Variants in DOCK10 observed in about 807,000 individuals in gnomAD.
The protein encoded by DOCK10 is dedicator of cytokinesis 10, also known as dedicator of cytokinesis protein 10.
A neutral mutation model predicts 280.1 loss-of-function variants in DOCK10; 145 were observed. That is an observed-to-expected ratio of 0.52 (90% CI 0.45 to 0.59). DOCK10 has a LOEUF of 0.59. Among genes scored for constraint, DOCK10 ranks in the 20% least tolerant of loss-of-function variants. DOCK10 has a pLI of 0.00. For missense variants in DOCK10, 2,368 were observed against 2,651.7 expected, an observed-to-expected ratio of 0.89 and a Z score of 2.35; for synonymous variants, 915 against 942.2, an observed-to-expected ratio of 0.97 and a Z score of 0.53.
At position 224,823,650 on chromosome 2, in the gene DOCK10, A is replaced by C; in HGVS notation, c.3037-3T>G. 6.3e-7 allele frequency: 1 copy of C among 1,589,618 alleles called. No individual in the cohort carries two copies. Among genetic ancestry groups the C allele is most frequent in the Non-Finnish European group, 8.5e-7 (1 of 1,171,528 alleles). ...GGAAATCTCTGAGGCCGGGGAAGCTAAGGAAAGAACGGATTATATCTTTCT... is the reference window on the plus strand; with the variant it reads ...GGAAATCTCTGAGGCCGGGGAAGCTCAGGAAAGAACGGATTATATCTTTCT... On this transcript the variant is annotated splice_polypyrimidine_tract_variant and splice_region_variant and intron_variant, in intron 27 of 55. Coordinates refer to ENST00000258390, the MANE Select transcript of DOCK10 (RefSeq NM_014689.3).
At chr2:224,852,238 G>A (rs1696793538) in intron 18 of DOCK10, 139 bp downstream of exon 18, 3 of 631,454 alleles carry the variant, frequency 4.8e-6, no homozygotes, top group African/African-American at 1.8e-5. Context: ...GTTAAATCAG[G>A]TATGTTTCAG....
intron 2 of DOCK10, among the ~76,000 whole-genome samples, chr2:224,920,664 TA>T (rs35854256): frequency 0.57 from 86,168 of 150,962 alleles, 25,320 homozygotes; most frequent in Non-Finnish European, 0.64. Context: ...TCTTTCTAAT[TA>T]AAAAAAAATT....
rs369388756 is a variant in DOCK10, at chr2:224,845,259, T to C, written c.2425A>G (p.Ile809Val). The change falls in exon 21 of 56, where the codon ATA becomes GTA. Residue 809 changes from isoleucine (I) to valine (V), a missense_variant. By Grantham distance (29) the Ile-to-Val change is conservative. Transcript: ENST00000258390. Reference protein sequence around the residue: ...QIASQEYNIPIATSLPPNYLS... With the variant: ...QIASQEYNIPVATSLPPNYLS... ...TAATTAGGAGGCAGACTTGTTGCTA[T>C]TGGGATGTTGTACTCTTGAGAAGCT... The C allele has an allele frequency of 7.6e-6, 12 of 1,587,680 alleles. No individual in the cohort carries two copies. Among genetic ancestry groups the C allele is most frequent in the African/African-American group, 5.4e-5 (4 of 74,548 alleles).
chr2:224,918,786 A>ATGTGAGTGTGGTAGTGTATG (rs770864287), intron 2 of DOCK10, among the ~76,000 whole-genome samples: 33,562 of 145,868 alleles, frequency 0.23, 4,192 homozygotes, highest in Non-Finnish European at 0.28. Context: ...TGTATGTGTA[A>ATGTGAGTGTGGTAGTGTATG]TGTGAGTGTG....
At chr2:224,906,976 A>ACGTTAGC (rs66486927) in intron 3 of DOCK10, among the ~76,000 whole-genome samples, 1 of 151,626 alleles carries the variant, frequency 6.6e-6, no homozygotes, top group African/African-American at 2.4e-5. Context: ...TTATCACATA[A>ACGTTAGC]TTTCAACACA....
rs1574782385 is a variant in DOCK10, at chr2:224,770,477, C to T, written c.6305+68G>A. 6.3e-7 allele frequency: 1 copy of T among 1,577,908 alleles called. No individual in the cohort carries two copies. Among genetic ancestry groups the T allele is most frequent in the East Asian group, 2.2e-5 (1 of 44,624 alleles). ...TCAGTGAGTTTTGGTGTGATGGATT[C>T]TTGGGGGATTGAGGACTCCCTGTCT... On this transcript the variant is annotated intron_variant, in intron 54 of 55. Transcript: ENST00000258390. The surrounding 1 kb of genome is among the most constrained non-coding windows in gnomAD (Gnocchi z 4.5).
chr2:224,931,977 T>C (rs867228504), intron 1 of DOCK10, among the ~76,000 whole-genome samples: 34 of 152,216 alleles, frequency 2.2e-4, no homozygotes, highest in Non-Finnish European at 4.6e-4. Context: ...GTAAATTTTA[T>C]CTTTGTCAAC....
chr2:224,993,231 A>G (rs1706180171), intron 1 of DOCK10, among the ~76,000 whole-genome samples: 1 of 142,598 alleles, frequency 7.0e-6, no homozygotes, highest in South Asian at 2.3e-4. Context: ...TGTCCAACAG[A>G]CCTGAATTTA....
chr2:225,018,754 CAT>C (rs60095437), intron 1 of DOCK10, among the ~76,000 whole-genome samples: 2 of 76,474 alleles, frequency 2.6e-5, no homozygotes, highest in African/African-American at 7.4e-5. Flanking sequence ...TACACATACA[CAT>C]ATGTGTATAT....
chr2:224,877,508 T>TG (rs1160246718), intron 7 of DOCK10, among the ~76,000 whole-genome samples: 152 of 105,794 alleles, frequency 1.4e-3, no homozygotes, highest in South Asian at 5.0e-3. Context: ...TATTCCAAGT[T>TG]GACATTCTAG....
chr2:224,820,582 G>A (rs1179947251), intron 28 of DOCK10, among the ~76,000 whole-genome samples: 2 of 152,200 alleles, frequency 1.3e-5, no homozygotes, highest in Non-Finnish European at 2.9e-5. Flanking sequence ...CCATTAAAAT[G>A]GTTTTGCATT....
At chr2:224,925,502 T>C (rs560944821) in intron 2 of DOCK10, among the ~76,000 whole-genome samples, 5 of 152,332 alleles carry the variant, frequency 3.3e-5, no homozygotes, top group African/African-American at 1.2e-4. Context: ...TCATGTGACA[T>C]AGACTTTTGA....
chr2:224,844,859 T>C lies in DOCK10; in HGVS notation c.2482-20A>G. The C allele has an allele frequency of 6.5e-7, 1 of 1,547,606 alleles. No homozygotes were observed. ...ACCATGCTGCAAAATAAAGTTTGTT[T>C]ACTGTCACTGGGACAATTCGAGAGA... On this transcript the variant is annotated intron_variant, in intron 21 of 55. Transcript: ENST00000258390.
intron 1 of DOCK10, among the ~76,000 whole-genome samples, chr2:224,996,589 G>A (rs536154202): frequency 2.0e-5 from 3 of 152,298 alleles, no homozygotes; most frequent in African/African-American, 4.8e-5. Context: ...TGGAATGCAC[G>A]GCTACCTTGT....
At position 224,765,677 on chromosome 2, in the gene DOCK10, A is replaced by G; in HGVS notation, c.*44T>C. On this transcript the variant is annotated 3_prime_UTR_variant, in exon 56 of 56. Transcript: ENST00000258390. ...TTCTCTTCCCCGAGATTAGCTGCAA[A>G]TTCAGAAAGTTCTCTTAGAGGTGGG... is the stretch of plus-strand genomic sequence containing the variant. 7.4e-7 allele frequency: 1 copy of G among 1,354,142 alleles called. No homozygotes were observed. Among genetic ancestry groups the G allele is most frequent in the African/African-American group, 1.4e-5 (1 of 69,010 alleles). 83.9% of individuals were successfully genotyped at this position (1,354,142 alleles called of 1,614,324 possible).
At chr2:224,928,783 C>A (rs1702171209) in intron 2 of DOCK10, among the ~76,000 whole-genome samples, 1 of 152,216 alleles carries the variant, frequency 6.6e-6, no homozygotes, top group African/African-American at 2.4e-5. Flanking sequence ...GATCACACTC[C>A]CCACTTTGTC....
intron 14 of DOCK10, among the ~76,000 whole-genome samples, chr2:224,858,465 T>C (rs1040533700): frequency 4.3e-4 from 65 of 152,158 alleles, no homozygotes; most frequent in African/African-American, 1.5e-3. Context: ...CAGACCAGCC[T>C]GGTTAACATG....
chr2:224,774,784 A>G lies in DOCK10; in HGVS notation c.6013+121T>C, dbSNP rs146081715. 1.4e-4 allele frequency: 116 copies of G among 849,616 alleles called. 2 individuals carry two copies. In the African/African-American group the frequency reaches 1.9e-3, roughly 14 times the overall value. The allele number at this position is 849,616 out of a possible 1,614,324, so 52.6% of individuals were successfully genotyped here. On this transcript the variant is annotated intron_variant, in intron 52 of 55. Transcript: ENST00000258390. ...TCTTCTTGGCAAACATTTCCCAGTT[A>G]GCACATGTTGGGTACTTCTCTGCAG...
At chr2:225,005,226 A>T (rs1302571807) in intron 1 of DOCK10, among the ~76,000 whole-genome samples, 3 of 152,236 alleles carry the variant, frequency 2.0e-5, no homozygotes, top group African/African-American at 7.2e-5. Flanking sequence ...TTATGCTTCA[A>T]GTACAGCAGA....
Sources: gnomAD v4.1 joint callset for allele counts (sites outside exome capture counted in the v4.1 genomes callset) on GRCh38, gnomAD v4.1.1 for gene constraint, Gnocchi (gnomAD v3.1) non-coding constraint, MANE v1.5 for transcripts, NCBI Gene and HGNC (gene_info 2026-07-23, HGNC 2026-07-21) for gene names.